The following FMN1 variants were observed in gnomAD, a reference collection of about 807,000 sequenced individuals.
FMN1 encodes the protein formin-1.
In FMN1, 110 loss-of-function variants were observed where a neutral mutation model predicts 132.4. The observed-to-expected ratio is 0.83, with a 90% CI of 0.71 to 0.97. The LOEUF is 0.97. Ranked by LOEUF, FMN1 falls within the 50% of genes least tolerant of loss-of-function variation. The pLI is 0.00. For missense variants in FMN1, 1,792 were observed against 1,705.3 expected, an observed-to-expected ratio of 1.05 and a Z score of -0.90; for synonymous variants, 722 against 651.7, an observed-to-expected ratio of 1.11 and a Z score of -1.64.
chr15:32,978,436 A>C (rs1483629950), intron 7 of FMN1, among the ~76,000 whole-genome samples: 1 of 152,230 alleles, frequency 6.6e-6, no homozygotes, highest in African/African-American at 2.4e-5. Context: ...ATATATATCC[A>C]TGGAAATGAC....
intron 9 of FMN1, among the ~76,000 whole-genome samples, chr15:32,961,617 G>GT (rs1268104759): frequency 6.6e-6 from 1 of 152,168 alleles, no homozygotes; most frequent in Admixed American, 6.5e-5. Context: ...AATGGTAGCC[G>GT]TAGTAGTAAC....
chr15:32,968,056 A>C (rs2031408974), intron 8 of FMN1, among the ~76,000 whole-genome samples: 1 of 152,248 alleles, frequency 6.6e-6, no homozygotes. Flanking sequence ...ACCCAGCTTA[A>C]CAATCTATAC....
intron 16 of FMN1, among the ~76,000 whole-genome samples, chr15:32,866,609 TAC>T (rs1274905707): frequency 6.6e-6 from 1 of 152,228 alleles, no homozygotes; most frequent in South Asian, 2.1e-4. Context: ...CAAATCATGT[TAC>T]AGTCTAATCA....
At chr15:32,861,480 CTTGT>C (rs1402085081) in intron 16 of FMN1, among the ~76,000 whole-genome samples, 1 of 152,166 alleles carries the variant, frequency 6.6e-6, no homozygotes, top group Admixed American at 6.5e-5. Context: ...TGGGCTGTGG[CTTGT>C]TTTTCTCATC....
rs543274863 is a variant in FMN1 at position 32,802,665 on chromosome 15, G to A, written c.3980+1616C>T. 8.0e-4 allele frequency among the ~76,000 whole-genome samples: 122 copies of A among 152,262 alleles called. 1 individual carries two copies. In the South Asian group the frequency reaches 0.021, roughly 26 times the overall value. ...ACGGCAGCAGTTTCGGCCCCTCCACGCTGGGCCCCCTTTTCCTTCAGCAAG... is the reference window on the plus strand; with the variant it reads ...ACGGCAGCAGTTTCGGCCCCTCCACACTGGGCCCCCTTTTCCTTCAGCAAG... On this transcript the variant is annotated intron_variant, in intron 18 of 20. Transcript: ENST00000616417.
At chr15:32,867,423 C>G (rs1019359387) in intron 16 of FMN1, among the ~76,000 whole-genome samples, 2 of 152,186 alleles carry the variant, frequency 1.3e-5, no homozygotes, top group Admixed American at 1.3e-4. Context: ...TGTTCTCCTG[C>G]TATGCCACTC....
intron 4 of FMN1, among the ~76,000 whole-genome samples, chr15:33,111,824 G>A (rs1348254759): frequency 6.6e-6 from 1 of 152,098 alleles, no homozygotes; most frequent in East Asian, 1.9e-4. Context: ...TGATGGTATG[G>A]GGGTTTTGGG....
chr15:33,149,136 T>C (rs1312245258), intron 4 of FMN1, among the ~76,000 whole-genome samples: 1 of 152,144 alleles, frequency 6.6e-6, no homozygotes, highest in Non-Finnish European at 1.5e-5. Flanking sequence ...CTCCAATTTT[T>C]CCGCATCTTT....
intron 4 of FMN1, among the ~76,000 whole-genome samples, chr15:33,114,038 G>C (rs988559264): frequency 2.0e-5 from 3 of 152,240 alleles, no homozygotes; most frequent in African/African-American, 4.8e-5. Flanking sequence ...AGTTCTCCAA[G>C]ATCTTGTAAG....
chr15:33,039,082 C>T (rs1227355970), intron 6 of FMN1, among the ~76,000 whole-genome samples: 1 of 152,116 alleles, frequency 6.6e-6, no homozygotes, highest in African/African-American at 2.4e-5. Context: ...ATAAAACAAA[C>T]ACACACGATG....
intron 17 of FMN1, among the ~76,000 whole-genome samples, chr15:32,856,082 G>A (rs1477692083): frequency 6.6e-6 from 1 of 152,194 alleles, no homozygotes; most frequent in African/African-American, 2.4e-5. Context: ...GAGTTCCTCT[G>A]ACTCATAGAC....
chr15:32,785,375 A>G (rs2056842752), intron 19 of FMN1, among the ~76,000 whole-genome samples: 1 of 151,168 alleles, frequency 6.6e-6, no homozygotes, highest in South Asian at 2.1e-4. Flanking sequence ...AGTTATATTT[A>G]TAATGAAAAA....
chr15:32,974,027 G>C (rs1025083506), intron 7 of FMN1, among the ~76,000 whole-genome samples: 1 of 152,134 alleles, frequency 6.6e-6, no homozygotes, highest in Non-Finnish European at 1.5e-5. Context: ...GGAATCTTCA[G>C]GAAGTGTCAA....
chr15:33,128,035 A>T (rs1194875028), intron 4 of FMN1, among the ~76,000 whole-genome samples: 2 of 152,170 alleles, frequency 1.3e-5, no homozygotes, highest in African/African-American at 4.8e-5. Flanking sequence ...GAATGCCCAG[A>T]CACGACACAG....
chr15:32,824,131 G>A (rs1222690337), intron 17 of FMN1, among the ~76,000 whole-genome samples: 1 of 152,254 alleles, frequency 6.6e-6, no homozygotes, highest in Non-Finnish European at 1.5e-5. Flanking sequence ...CCCGTGAGAG[G>A]GGAAAGGTGG....
At chr15:32,875,206 A>G (rs1454527205) in intron 16 of FMN1, among the ~76,000 whole-genome samples, 1 of 152,172 alleles carries the variant, frequency 6.6e-6, no homozygotes, top group Non-Finnish European at 1.5e-5. Flanking sequence ...TTTTCCTGCT[A>G]TTGTCCCCTT....
intron 10 of FMN1, among the ~76,000 whole-genome samples, chr15:32,917,542 G>GCCAATAAA (rs1377204655): frequency 2.0e-5 from 3 of 152,184 alleles, no homozygotes; most frequent in African/African-American, 7.2e-5. Flanking sequence ...ACCAGGCATT[G>GCCAATAAA]TTCTAAGTGT....
At chr15:33,043,109 T>G (rs1011618624) in intron 6 of FMN1, among the ~76,000 whole-genome samples, 4 of 152,218 alleles carry the variant, frequency 2.6e-5, no homozygotes, top group Non-Finnish European at 4.4e-5. Flanking sequence ...CTTTGAATTT[T>G]GATCTCTTCC....
At position 33,153,783 on chromosome 15, in the gene FMN1, C is replaced by G; in HGVS notation, c.1132G>C (p.Ala378Pro). 6.5e-7 allele frequency: 1 copy of G among 1,536,362 alleles called. No individual in the cohort carries two copies. Residue 378 changes from alanine (A) to proline (P), a missense_variant, in exon 4 of 21, where the codon GCT becomes CCT. Transcript: ENST00000616417. ...ADLLTLPGAE[A>P]GAHGSRRQGK... The stretch of plus-strand genomic sequence containing the variant: ...TGCCGCCTGGAGCCATGAGCCCCAG[C>G]CTCAGCTCCCGGGAGGGTGAGCAAG...
Sources: gnomAD v4.1 joint callset for allele counts (sites outside exome capture counted in the v4.1 genomes callset) on GRCh38, gnomAD v4.1.1 for gene constraint, MANE v1.5 for transcripts, NCBI Gene and HGNC (gene_info 2026-07-23, HGNC 2026-07-21) for gene names.